The following OSBPL9 variants were observed in gnomAD, a reference collection of about 807,000 sequenced individuals.
The protein encoded by OSBPL9 is oxysterol binding protein like 9.
In OSBPL9, 40 loss-of-function variants were observed where a neutral mutation model predicts 106.6. That is an observed-to-expected ratio of 0.38 (90% CI 0.29 to 0.49). The LOEUF is 0.49. Among genes scored for constraint, OSBPL9 ranks in the 20% least tolerant of loss-of-function variants. The probability of loss-of-function intolerance (pLI) is 0.97; values close to 1 mark genes in which losing one functional copy is unlikely to be tolerated. For synonymous variants in OSBPL9, 269 were observed against 295.4 expected, an observed-to-expected ratio of 0.91 and a Z score of 0.92; for missense variants, 609 against 887.2, an observed-to-expected ratio of 0.69 and a Z score of 3.98.
chr1:51,523,496 G>A, the OSBPL9 span, among the ~76,000 whole-genome samples: 4 of 151,974 alleles, frequency 2.6e-5, no homozygotes, highest in East Asian at 5.8e-4. Context: ...AACAGAAGAA[G>A]AATTTGTCCA....
chr1:51,529,462 C>T, the OSBPL9 span, among the ~76,000 whole-genome samples: 1 of 152,114 alleles, frequency 6.6e-6, no homozygotes, highest in African/African-American at 2.4e-5. Flanking sequence ...CCAGGATGGT[C>T]TTGATCTCCT....
intron 3 of OSBPL9, among the ~76,000 whole-genome samples, chr1:51,704,413 C>T (rs1189217289): frequency 3.9e-5 from 6 of 152,126 alleles, no homozygotes; most frequent in Non-Finnish European, 8.8e-5. Flanking sequence ...TCTAGATTTT[C>T]TAGTTTATTT....
intron 1 of OSBPL9, among the ~76,000 whole-genome samples, chr1:51,618,859 T>C (rs977162384): frequency 1.3e-5 from 2 of 152,242 alleles, no homozygotes; most frequent in African/African-American, 4.8e-5. Context: ...TGCCAAATTA[T>C]TGACTTTTTC....
In OSBPL9 at chr1:51,629,969, G is replaced by A. The variant is rs75667156; in HGVS notation, c.111+12748G>A. On this transcript the variant is annotated intron_variant, in intron 1 of 23. Transcript: ENST00000428468. ...ATCTCAAAAAAAAAAAATTATTAAT[G>A]TGCATGGGGGAGGGGGAGTTATGGA... Among the ~76,000 whole-genome samples the A allele has an allele frequency of 4.4e-4, 67 of 151,966 alleles. 1 individual carries two copies. Among genetic ancestry groups the A allele is most frequent in the African/African-American group, 1.5e-3 (63 of 41,482 alleles).
intron 3 of OSBPL9, among the ~76,000 whole-genome samples, chr1:51,713,120 T>C (rs961894519): frequency 6.6e-6 from 1 of 151,994 alleles, no homozygotes; most frequent in Non-Finnish European, 1.5e-5. Flanking sequence ...GCTTGTGTGG[T>C]TGGTTTTTTT....
intron 15 of OSBPL9, 99 bp downstream of exon 15, chr1:51,777,017 C>A: frequency 1.1e-6 from 1 of 938,722 alleles, no homozygotes; most frequent in Non-Finnish European, 1.7e-6. Context: ...TGTCACCTTT[C>A]AAACATTTCT....
At chr1:51,554,181 T>C in the OSBPL9 span, among the ~76,000 whole-genome samples, 1 of 151,974 alleles carries the variant, frequency 6.6e-6, no homozygotes, top group Non-Finnish European at 1.5e-5. Flanking sequence ...TATAAATACA[T>C]ATACATACAC....
At chr1:51,611,848 G>C (rs540570489) in intron 2 of OSBPL9, among the ~76,000 whole-genome samples, 1 of 152,122 alleles carries the variant, frequency 6.6e-6, no homozygotes, top group African/African-American at 2.4e-5. Flanking sequence ...GGTGGCGGGC[G>C]CCTGTAGTCC....
intron 8 of OSBPL9, among the ~76,000 whole-genome samples, chr1:51,754,045 A>T (rs1669825831): frequency 6.6e-6 from 1 of 152,170 alleles, no homozygotes; most frequent in Non-Finnish European, 1.5e-5. Flanking sequence ...GAGACAGCTG[A>T]TGTTCTTCTC....
At chr1:51,576,051 T>A (rs998521721), upstream of OSBPL9, among the ~76,000 whole-genome samples, 1 of 152,202 alleles carries the variant, frequency 6.6e-6, no homozygotes, top group Non-Finnish European at 1.5e-5. Context: ...CTTCTATAGG[T>A]CTTCATTTCC....
chr1:51,639,816 GTTTTTTTTTTTTTT>G (rs758174157), intron 1 of OSBPL9, among the ~76,000 whole-genome samples: 3 of 67,048 alleles, frequency 4.5e-5, no homozygotes, highest in Admixed American at 1.7e-4. Flanking sequence ...ATTCCTAGTT[GTTTTTTTTTTTTTT>G]TTTTTTTTTT....
intron 2 of OSBPL9, among the ~76,000 whole-genome samples, chr1:51,608,717 C>G (rs527831114): frequency 6.6e-6 from 1 of 151,696 alleles, no homozygotes; most frequent in South Asian, 2.1e-4. Flanking sequence ...GTCCGCCTAA[C>G]TACCTACTCT....
intron 1 of OSBPL9, among the ~76,000 whole-genome samples, chr1:51,622,589 C>G (rs1644509652): frequency 6.6e-6 from 1 of 152,196 alleles, no homozygotes; most frequent in Non-Finnish European, 1.5e-5. Context: ...GCAGGAAGAT[C>G]AGCTTCCACG....
chr1:51,747,553 C>CTTT (rs746109312), intron 6 of OSBPL9, among the ~76,000 whole-genome samples: 16 of 42,364 alleles, frequency 3.8e-4, no homozygotes, highest in African/African-American at 5.2e-4. Flanking sequence ...CTCTCCTTGG[C>CTTT]TTTTTTTTTT....
intron 1 of OSBPL9, among the ~76,000 whole-genome samples, chr1:51,591,268 C>T (rs899183486): frequency 6.6e-6 from 1 of 152,010 alleles, no homozygotes; most frequent in African/African-American, 2.4e-5. Context: ...GACGAGGTCT[C>T]ACTATGTTGC....
chr1:51,665,388 C>A (rs1013122964), intron 2 of OSBPL9, among the ~76,000 whole-genome samples: 2 of 152,188 alleles, frequency 1.3e-5, no homozygotes, highest in African/African-American at 4.8e-5. Context: ...AGGTGATCTG[C>A]CAGCCTTGGC....
chr1:51,772,324 C>A (rs1165884637), intron 13 of OSBPL9, 142 bp downstream of exon 13: 5 of 692,374 alleles, frequency 7.2e-6, no homozygotes, highest in African/African-American at 1.8e-5. Flanking sequence ...CCAGCCTGAC[C>A]AACATGGTGA....
chr1:51,615,456 T>C (rs1644030357), upstream of OSBPL9, among the ~76,000 whole-genome samples: 1 of 152,174 alleles, frequency 6.6e-6, no homozygotes, highest in Non-Finnish European at 1.5e-5. Context: ...CTTTCTTTCT[T>C]TTTTTGTATT....
intron 2 of OSBPL9, among the ~76,000 whole-genome samples, chr1:51,606,625 A>G (rs374890880): frequency 8.5e-5 from 13 of 152,376 alleles, no homozygotes; most frequent in African/African-American, 3.1e-4. Flanking sequence ...ACATGATTAT[A>G]AATGGCAAAT....
Sources: gnomAD v4.1 joint callset for allele counts (sites outside exome capture counted in the v4.1 genomes callset) on GRCh38, gnomAD v4.1.1 for gene constraint, MANE v1.5 for transcripts, NCBI Gene and HGNC (gene_info 2026-07-23, HGNC 2026-07-21) for gene names.